Variants in CPNE8 observed in about 807,000 individuals in gnomAD.
The protein encoded by CPNE8 is copine-8.
A neutral mutation model predicts 81.5 loss-of-function variants in CPNE8; 45 were observed. The ratio of observed to expected loss-of-function variants is 0.55; its 90% CI spans 0.44 to 0.71. The LOEUF (loss-of-function observed/expected upper bound fraction) is 0.71, where lower values mean the gene tolerates loss of function less well. CPNE8 is among the 30% of genes least tolerant of loss of function. The pLI, the probability that CPNE8 is intolerant of heterozygous loss-of-function variation, is 0.00. For synonymous variants in CPNE8, 252 were observed against 226.3 expected (o/e 1.11, Z -1.02); for missense variants, 594 against 672.1 (o/e 0.88, Z 1.28).
chr12:38,751,087 G>A (rs1941345466), intron 10 of CPNE8, among the ~76,000 whole-genome samples: 1 of 152,140 alleles, frequency 6.6e-6, no homozygotes, highest in South Asian at 2.1e-4. Flanking sequence ...TTTGCCTGCT[G>A]TCATCCATGT....
intron 3 of CPNE8, among the ~76,000 whole-genome samples, chr12:38,852,383 C>T (rs772271385): frequency 2.7e-5 from 4 of 147,444 alleles, no homozygotes; most frequent in Admixed American, 1.4e-4. Flanking sequence ...GAGCCAAGAT[C>T]GCGCCACTGC....
chr12:38,692,343 T>C (rs1411561447), intron 15 of CPNE8, among the ~76,000 whole-genome samples: 2 of 151,948 alleles, frequency 1.3e-5, no homozygotes, highest in African/African-American at 4.8e-5. Flanking sequence ...GCACAAATCC[T>C]TCCTTAAGAA....
chr12:38,793,665 T>C (rs1942382598), intron 6 of CPNE8, among the ~76,000 whole-genome samples: 1 of 151,974 alleles, frequency 6.6e-6, no homozygotes. Flanking sequence ...AGATTTTATG[T>C]AATTCCTACC....
At chr12:38,675,558 A>G (rs568263130) in intron 18 of CPNE8, among the ~76,000 whole-genome samples, 159 bp downstream of exon 18, 2 of 152,338 alleles carry the variant, frequency 1.3e-5, no homozygotes, top group African/African-American at 4.8e-5. Context: ...ATCATGAGCT[A>G]TCTATGTATA....
At chr12:38,849,476 A>G (rs532130609) in intron 3 of CPNE8, among the ~76,000 whole-genome samples, 1 of 152,356 alleles carries the variant, frequency 6.6e-6, no homozygotes, top group South Asian at 2.1e-4. Context: ...AATATTAGGC[A>G]ATGAAGCATG....
chr12:38,675,740 C>G lies in CPNE8; in HGVS notation c.1409G>C (p.Gly470Ala). Residue 470 changes from glycine (G) to alanine (A), a missense_variant, in exon 18 of 20, where the codon GGT (glycine) becomes GCT (alanine). Physicochemically the swap from Gly to Ala is moderately conservative, Grantham distance 60. Coordinates refer to ENST00000331366, the MANE Select transcript of CPNE8 (RefSeq NM_153634.3). ...ACCATCAAATTCTGCTGGTCCAACA[C>G]CTACTATAATTATTGACATTGGAAG... Reference protein sequence around the residue: ...SKLPMSIIIVGVGPAEFDAMV... With the variant: ...SKLPMSIIIVAVGPAEFDAMV... 1 of 1,604,964 alleles carries G rather than the reference C, an allele frequency of 6.2e-7. No individual in the cohort carries two copies.
chr12:38,705,920 T>C (rs1432012002), intron 13 of CPNE8, among the ~76,000 whole-genome samples: 1 of 152,128 alleles, frequency 6.6e-6, no homozygotes, highest in East Asian at 1.9e-4. Flanking sequence ...TATATACATA[T>C]ATCATAAGAT....
At chr12:38,676,311 C>A (rs1343324838) in intron 17 of CPNE8, 1 of 984,746 alleles carries the variant, frequency 1.0e-6, no homozygotes, top group Non-Finnish European at 1.2e-6. Flanking sequence ...GTGGGACATT[C>A]TTCGGAAATG....
intron 6 of CPNE8, among the ~76,000 whole-genome samples, chr12:38,808,068 A>G (rs1215309351): frequency 1.3e-5 from 2 of 152,088 alleles, no homozygotes; most frequent in Non-Finnish European, 2.9e-5. Flanking sequence ...ATCTCACACC[A>G]GTTAGAATGG....
intron 16 of CPNE8, among the ~76,000 whole-genome samples, chr12:38,680,629 A>C (rs1390903115): frequency 6.6e-6 from 1 of 152,062 alleles, no homozygotes; most frequent in African/African-American, 2.4e-5. Context: ...TATCTATTTT[A>C]TCATCAGCAA....
At chr12:38,872,012 G>A (rs1280060842) in intron 3 of CPNE8, among the ~76,000 whole-genome samples, 1 of 152,104 alleles carries the variant, frequency 6.6e-6, no homozygotes, top group African/African-American at 2.4e-5. Context: ...GCGCATGCCT[G>A]TAATCTCAGC....
At chr12:38,882,126 C>T (rs1592153598) in intron 1 of CPNE8, among the ~76,000 whole-genome samples, 2 of 152,058 alleles carry the variant, frequency 1.3e-5, no homozygotes, top group South Asian at 4.1e-4. Context: ...TCTCTGCAGA[C>T]GTGATTAAAC....
intron 17 of CPNE8, among the ~76,000 whole-genome samples, chr12:38,676,765 G>T (rs1338145514): frequency 6.6e-6 from 1 of 152,056 alleles, no homozygotes; most frequent in Non-Finnish European, 1.5e-5. Context: ...CACATCTTTC[G>T]CTATGAAGAT....
chr12:38,695,548 G>T (rs1939773961), intron 14 of CPNE8, among the ~76,000 whole-genome samples: 1 of 152,136 alleles, frequency 6.6e-6, no homozygotes, highest in African/African-American at 2.4e-5. Flanking sequence ...TTTTTAATGT[G>T]TCCAGTGTGA....
chr12:38,685,338 G>A, intron 16 of CPNE8, 152 bp downstream of exon 16: 1 of 682,806 alleles, frequency 1.5e-6, no homozygotes, highest in Non-Finnish European at 2.3e-6. Context: ...TCGTTTGATA[G>A]AGACTCTTTC....
chr12:38,691,461 T>G (rs1939674426), intron 15 of CPNE8, among the ~76,000 whole-genome samples: 1 of 152,210 alleles, frequency 6.6e-6, no homozygotes, highest in Admixed American at 6.5e-5. Context: ...AGTCAAATAC[T>G]ATTTCACTGA....
At chr12:38,806,317 C>A (rs1942800353) in intron 6 of CPNE8, among the ~76,000 whole-genome samples, 1 of 149,892 alleles carries the variant, frequency 6.7e-6, no homozygotes. Flanking sequence ...AATTTTAGAC[C>A]AATATCCTTG....
At chr12:38,790,908 C>T (rs1942307688) in intron 6 of CPNE8, among the ~76,000 whole-genome samples, 1 of 151,500 alleles carries the variant, frequency 6.6e-6, no homozygotes, top group South Asian at 2.1e-4. Flanking sequence ...TTCTCCATAT[C>T]TCTTACTATT....
At chr12:38,880,411 C>A (rs983460719) in intron 1 of CPNE8, among the ~76,000 whole-genome samples, 3 of 152,098 alleles carry the variant, frequency 2.0e-5, no homozygotes, top group African/African-American at 4.8e-5. Flanking sequence ...AAAGCACCAT[C>A]TTTTTTCACT....
Sources: gnomAD v4.1 joint callset for allele counts (sites outside exome capture counted in the v4.1 genomes callset) on GRCh38, gnomAD v4.1.1 for gene constraint, MANE v1.5 for transcripts, NCBI Gene and HGNC (gene_info 2026-07-23, HGNC 2026-07-21) for gene names.